The following BNC2 variants were observed in gnomAD, a reference collection of about 807,000 sequenced individuals.
BNC2 encodes zinc finger protein basonuclin-2.
In BNC2, 20 loss-of-function variants were observed where a neutral mutation model predicts 76.3. The ratio of observed to expected loss-of-function variants is 0.26; its 90% confidence interval spans 0.18 to 0.38. The LOEUF (loss-of-function observed/expected upper bound fraction) is 0.38. BNC2 is among the 10% of genes least tolerant of loss of function. BNC2 has a pLI of 1.00. For missense variants in BNC2, 1,382 were observed against 1,399.8 expected (o/e 0.99, Z 0.20); for synonymous variants, 582 against 514.8 (o/e 1.13, Z -1.77).
At position 16,596,637 on chromosome 9, in the gene BNC2, T is replaced by C. The variant is rs138991844; in HGVS notation, c.331-13552A>G. Among the ~76,000 whole-genome samples the C allele has an allele frequency of 7.4e-4, 113 of 152,212 alleles. 1 individual carries two copies. In the East Asian group the frequency reaches 0.019, roughly 25 times the overall value. On this transcript the variant is annotated intron_variant, in intron 3 of 6. Transcript: ENST00000380672. ...AAAAGGTAAACAGTAAAAACTACAATATATTTTGAACATTTAAGAGAAAGA... is the reference window on the plus strand; with the variant it reads ...AAAAGGTAAACAGTAAAAACTACAACATATTTTGAACATTTAAGAGAAAGA...
chr9:16,556,724 T>C (rs1052231051), intron 4 of BNC2, among the ~76,000 whole-genome samples: 1 of 149,068 alleles, frequency 6.7e-6, no homozygotes, highest in African/African-American at 2.5e-5. Context: ...GCCAAGATCA[T>C]GCCACTGCAC....
Position 16,418,911 on chromosome 9 carries a change from T to G in BNC2, c.*78A>C. The G allele has an allele frequency of 1.5e-6, 2 of 1,307,202 alleles. No individual in the cohort carries two copies. Among genetic ancestry groups the G allele is most frequent in the Non-Finnish European group, 2.1e-6 (2 of 941,486 alleles). 81.0% of individuals were successfully genotyped at this position (1,307,202 alleles called of 1,614,324 possible). A position where few individuals can be genotyped will look rare whatever the true frequency, so the allele number is the denominator to read the frequency against. On this transcript the variant is annotated 3_prime_UTR_variant, in exon 7 of 7. Coordinates refer to ENST00000380672, the MANE Select transcript of BNC2 (RefSeq NM_017637.6). ...CACACACACACACACCCCAAGTACA[T>G]AAGCGCACACTGACTATGGCAGTTC... is the stretch of plus-strand genomic sequence containing the variant.
chr9:16,745,555 C>T (rs1824976027), intron 1 of BNC2, among the ~76,000 whole-genome samples: 1 of 152,190 alleles, frequency 6.6e-6, no homozygotes, highest in Non-Finnish European at 1.5e-5. Flanking sequence ...CTCGCAATTC[C>T]TTTACTTGCC....
intron 3 of BNC2, among the ~76,000 whole-genome samples, chr9:16,668,327 T>C (rs1822362345): frequency 1.3e-5 from 2 of 152,196 alleles, no homozygotes; most frequent in African/African-American, 4.8e-5. Context: ...GGGAGCTCGA[T>C]GTGTTAATTA....
chr9:16,563,897 A>G (rs1157953544), intron 4 of BNC2, among the ~76,000 whole-genome samples: 1 of 152,186 alleles, frequency 6.6e-6, no homozygotes, highest in African/African-American at 2.4e-5. Context: ...TGTTTAACAA[A>G]TTGTTAAAAT....
At chr9:16,833,010 C>A (rs1392482752) in intron 1 of BNC2, among the ~76,000 whole-genome samples, 2 of 151,968 alleles carry the variant, frequency 1.3e-5, no homozygotes, top group Admixed American at 1.3e-4. Flanking sequence ...AGGTGTAAGC[C>A]CCCCCGCCCT....
chr9:16,716,694 G>A (rs1038599296), intron 3 of BNC2, among the ~76,000 whole-genome samples: 57 of 152,312 alleles, frequency 3.7e-4, no homozygotes, highest in African/African-American at 1.2e-3. Context: ...ACTGTAGTAC[G>A]TAGGCTATGA....
intron 3 of BNC2, among the ~76,000 whole-genome samples, chr9:16,659,146 GC>G (rs975601381): frequency 8.5e-6 from 1 of 117,082 alleles, no homozygotes; most frequent in African/African-American, 4.8e-5. Context: ...CAGATGGATG[GC>G]GGGGGGGGGC....
intron 1 of BNC2, among the ~76,000 whole-genome samples, chr9:16,821,890 G>T (rs1234963849): frequency 6.6e-6 from 1 of 151,982 alleles, no homozygotes; most frequent in Non-Finnish European, 1.5e-5. Context: ...TCAGGAGATC[G>T]AGACCATCCT....
intron 3 of BNC2, among the ~76,000 whole-genome samples, chr9:16,587,054 T>A (rs996279862): frequency 6.6e-6 from 1 of 152,110 alleles, no homozygotes; most frequent in African/African-American, 2.4e-5. Context: ...TCTCAGAAAA[T>A]AGCATAAAGT....
At chr9:16,790,240 G>T (rs577609832) in intron 1 of BNC2, among the ~76,000 whole-genome samples, 1 of 152,086 alleles carries the variant, frequency 6.6e-6, no homozygotes, top group Non-Finnish European at 1.5e-5. Flanking sequence ...CTCGTGATCC[G>T]CCCGCCTCGG....
At chr9:16,750,476 A>G (rs1825156638) in intron 1 of BNC2, among the ~76,000 whole-genome samples, 1 of 152,198 alleles carries the variant, frequency 6.6e-6, no homozygotes, top group African/African-American at 2.4e-5. Flanking sequence ...TGCATTACGG[A>G]GATGTTAGAC....
In BNC2 at chr9:16,614,775, T is replaced by C. The variant is rs144739305; in HGVS notation, c.331-31690A>G. Among the ~76,000 whole-genome samples, 296 of 151,778 alleles carry C rather than the reference T, an allele frequency of 2.0e-3. 1 individual carries two copies. The highest frequency in any genetic ancestry group is 3.5e-3 in the Admixed American group (54 of 15,226). ...CAGCCTTGGCAACACAGGGAAGCCC[T>C]GTCTCTACAAAAAAATAAAAATAAA... On this transcript the variant is annotated intron_variant, in intron 3 of 6. Transcript: ENST00000380672.
At chr9:16,856,187 C>G (rs1200484596) in intron 1 of BNC2, among the ~76,000 whole-genome samples, 1 of 151,936 alleles carries the variant, frequency 6.6e-6, no homozygotes, top group Non-Finnish European at 1.5e-5. Context: ...ACTATTCTAC[C>G]TTCTATTCTG....
chr9:16,702,238 T>A (rs1823536587), intron 3 of BNC2, among the ~76,000 whole-genome samples: 1 of 152,080 alleles, frequency 6.6e-6, no homozygotes, highest in African/African-American at 2.4e-5. Flanking sequence ...ATAAGTAGAT[T>A]TTCACAAAAC....
intron 1 of BNC2, among the ~76,000 whole-genome samples, chr9:16,821,085 T>C (rs894318317): frequency 1.3e-5 from 2 of 151,736 alleles, no homozygotes; most frequent in East Asian, 3.9e-4. Flanking sequence ...ATACAAAAAT[T>C]AGCCAGGTGT....
At position 16,436,877 on chromosome 9, in the gene BNC2, T is replaced by A. The variant is rs764830745; in HGVS notation, c.1317A>T (p.Gly439=). 1.2e-6 allele frequency: 2 copies of A among 1,614,040 alleles called. No individual in the cohort carries two copies. Among genetic ancestry groups the A allele is most frequent in the African/African-American group, 2.7e-5 (2 of 74,912 alleles). Residue 439 remains glycine (G), a synonymous_variant, in exon 6 of 7, where the codon GGA becomes GGT. Transcript: ENST00000380672. ...TCCCACATGCATTACAGAACACTCTTCCTTTCCTAGAGGCTGACCCCATCC... is the reference window on the plus strand; with the variant it reads ...TCCCACATGCATTACAGAACACTCTACCTTTCCTAGAGGCTGACCCCATCC... ...MRRMGSASRK[G]RVFCNACGKT...
At chr9:16,507,949 C>A (rs561763900) in intron 5 of BNC2, among the ~76,000 whole-genome samples, 3 of 152,292 alleles carry the variant, frequency 2.0e-5, no homozygotes, top group Admixed American at 6.5e-5. Flanking sequence ...TATTATAATA[C>A]TTCACTACCA....
At chr9:16,760,187 C>A (rs1165782476) in intron 1 of BNC2, among the ~76,000 whole-genome samples, 1 of 152,116 alleles carries the variant, frequency 6.6e-6, no homozygotes, top group African/African-American at 2.4e-5. Flanking sequence ...CATTTTAAAA[C>A]TAAGCCAAAA....
Sources: allele counts gnomAD v4.1 joint callset (sites outside exome capture counted in the v4.1 genomes callset), GRCh38; gene constraint gnomAD v4.1.1; transcripts MANE v1.5; gene names NCBI Gene and HGNC (gene_info 2026-07-23, HGNC 2026-07-21).